Variants in THOC2 observed in about 807,000 individuals in gnomAD.
THOC2 encodes the protein THO complex subunit 2.
A neutral mutation model predicts 128.4 loss-of-function variants in THOC2; 10 were observed. The observed-to-expected ratio is 0.08, with a 90% confidence interval of 0.05 to 0.13. The LOEUF is 0.13. Ranked by LOEUF, THOC2 falls within the 10% of genes least tolerant of loss-of-function variation. The pLI is 1.00. For synonymous variants in THOC2, 393 were observed against 396.9 expected (o/e 0.99, Z 0.12); for missense variants, 535 against 1,155.7 (o/e 0.46, Z 7.79).
intron 8 of THOC2, among the ~76,000 whole-genome samples, chrX:123,677,760 C>T (rs1428755558): frequency 2.8e-5 from 3 of 107,931 alleles, no homozygotes; most frequent in African/African-American, 6.8e-5. Context: ...ATCCCAGCTA[C>T]TTGGGAGGCT....
At chrX:123,619,547 G>C in intron 32 of THOC2, 111 bp from the exon 33 acceptor site, 2 of 848,803 alleles carry the variant, frequency 2.4e-6, no homozygotes, top group Non-Finnish European at 3.4e-6. Flanking sequence ...TTCTTGTGAG[G>C]ATAAATTTCA....
At chrX:123,628,311 T>C (rs1429820431) in intron 22 of THOC2, among the ~76,000 whole-genome samples, 1 of 111,410 alleles carries the variant, frequency 9.0e-6, no homozygotes, top group Non-Finnish European at 1.9e-5. Context: ...ATTGAACATG[T>C]AGGGTTTCCA....
chrX:123,693,180 C>T (rs772439328), intron 7 of THOC2, among the ~76,000 whole-genome samples: 1 of 112,353 alleles, frequency 8.9e-6, no homozygotes, highest in East Asian at 2.8e-4. Context: ...TCATTCAGGC[C>T]GTGTCCGGGG....
intron 2 of THOC2, 74 bp downstream of exon 2, chrX:123,712,776 C>A: frequency 1.5e-6 from 1 of 687,248 alleles, no homozygotes; most frequent in Non-Finnish European, 2.2e-6. Flanking sequence ...TGTTTTCATA[C>A]CTAACAATGA....
intron 8 of THOC2, among the ~76,000 whole-genome samples, chrX:123,675,510 G>A (rs2049450380): frequency 9.1e-6 from 1 of 109,981 alleles, no homozygotes; most frequent in Admixed American, 9.7e-5. Context: ...GCATGGTGGT[G>A]CGCACCTGTA....
intron 38 of THOC2, among the ~76,000 whole-genome samples, chrX:123,604,903 C>G (rs987078988): frequency 8.9e-6 from 1 of 111,981 alleles, no homozygotes. Context: ...CTCATTCTCT[C>G]GTTCTTTTCA....
chrX:123,697,066 C>T (rs1390141371), intron 5 of THOC2, among the ~76,000 whole-genome samples: 3 of 111,968 alleles, frequency 2.7e-5, no homozygotes, highest in Non-Finnish European at 5.6e-5. Context: ...AAATTATATG[C>T]ATGTTGTATA....
At chrX:123,715,471 A>G (rs902319007) in intron 1 of THOC2, among the ~76,000 whole-genome samples, 2 of 111,074 alleles carry the variant, frequency 1.8e-5, no homozygotes, top group Non-Finnish European at 3.8e-5. Context: ...AAACAACTGA[A>G]ATAGAGAATT....
intron 38 of THOC2, among the ~76,000 whole-genome samples, chrX:123,606,323 G>A (rs931774202): frequency 2.2e-4 from 24 of 109,726 alleles, no homozygotes; most frequent in African/African-American, 7.3e-4. Context: ...CGGGCGTGGT[G>A]GCTCACACCT....
At chrX:123,732,673 G>C (rs1162229511) in intron 1 of THOC2, among the ~76,000 whole-genome samples, 3 of 112,020 alleles carry the variant, frequency 2.7e-5, no homozygotes, top group East Asian at 5.6e-4. Flanking sequence ...AGGGAGCGCG[G>C]AGACCTGCAG....
intron 12 of THOC2, among the ~76,000 whole-genome samples, chrX:123,652,341 A>G (rs1482706655): frequency 8.9e-6 from 1 of 112,028 alleles, no homozygotes; most frequent in African/African-American, 3.2e-5. Flanking sequence ...AGTGAGCAAA[A>G]GCTGGAAGCA....
intron 7 of THOC2, among the ~76,000 whole-genome samples, chrX:123,689,980 TTATA>T: frequency 9.1e-6 from 1 of 109,764 alleles, no homozygotes; most frequent in African/African-American, 3.3e-5. Context: ...ACACAGCAAT[TTATA>T]TATATATACA....
At chrX:123,718,941 C>T (rs1422478140) in intron 1 of THOC2, among the ~76,000 whole-genome samples, 6 of 110,217 alleles carry the variant, frequency 5.4e-5, no homozygotes, top group Non-Finnish European at 1.1e-4. Context: ...TTTGGGAGGC[C>T]GAGGTGGGCG....
chrX:123,714,235 A>G (rs778797009), intron 1 of THOC2, among the ~76,000 whole-genome samples: 1 of 112,307 alleles, frequency 8.9e-6, no homozygotes, highest in Non-Finnish European at 1.9e-5. Context: ...TCAAAAGACA[A>G]AGTATCTAAA....
At chrX:123,667,341 T>C (rs914334539) in intron 10 of THOC2, 63 bp from the exon 11 acceptor site, 1 of 879,266 alleles carries the variant, frequency 1.1e-6, no homozygotes, top group Non-Finnish European at 1.6e-6. Context: ...CTTAATACTT[T>C]GTCACTTAAA....
Position 123,665,672 on chromosome X carries a change from C to A in THOC2, c.1356G>T (p.Val452=). The A allele has an allele frequency of 8.4e-7, 1 of 1,186,494 alleles. No individual in the cohort carries two copies. ...TCATAAATGACTTGCCTATGCGCAC[C>A]ACTTTTGCAAATAAAATGGGATCGT... is the stretch of plus-strand genomic sequence containing the variant. ...LSHDPILFAK[V]VRIGKSFMKE... is the part of the protein sequence containing the mutation. The change falls in exon 12 of 39, where the codon GTG becomes GTT. Residue 452 remains valine, a synonymous_variant. Coordinates refer to ENST00000245838, the MANE Select transcript of THOC2 (RefSeq NM_001081550.2).
At chrX:123,641,029 C>T (rs974247548) in intron 15 of THOC2, among the ~76,000 whole-genome samples, 1 of 111,587 alleles carries the variant, frequency 9.0e-6, no homozygotes, top group African/African-American at 3.3e-5. Flanking sequence ...TGTCTCGTGC[C>T]ATCTGTCTCA....
chrX:123,684,367 ATC>A (rs918422484), intron 8 of THOC2, among the ~76,000 whole-genome samples: 3 of 111,671 alleles, frequency 2.7e-5, no homozygotes, highest in Non-Finnish European at 5.6e-5. Flanking sequence ...GAATGCTTGA[ATC>A]TCTCTTTCCC....
At chrX:123,672,992 A>T (rs150243824) in intron 8 of THOC2, among the ~76,000 whole-genome samples, 1 of 112,437 alleles carries the variant, frequency 8.9e-6, no homozygotes, top group Non-Finnish European at 1.9e-5. Context: ...GTTTCACTCT[A>T]TTTTTTAAAA....
Sources: allele counts gnomAD v4.1 joint callset (sites outside exome capture counted in the v4.1 genomes callset), GRCh38; gene constraint gnomAD v4.1.1; transcripts MANE v1.5; gene names NCBI Gene and HGNC (gene_info 2026-07-23, HGNC 2026-07-21).